HERC1: variants seen among roughly 807,000 people sequenced by gnomAD.
HERC1 encodes the protein probable E3 ubiquitin-protein ligase HERC1.
In HERC1, 160 loss-of-function variants were observed where a neutral mutation model predicts 554.3. The observed-to-expected ratio is 0.29, with a 90% CI of 0.25 to 0.33. HERC1 has a LOEUF of 0.33. HERC1 is among the 10% of genes least tolerant of loss of function. The pLI is 1.00. For synonymous variants in HERC1, 2,175 were observed against 2,131.7 expected, an observed-to-expected ratio of 1.02 and a Z score of -0.56; for missense variants, 4,919 against 5,918.5, an observed-to-expected ratio of 0.83 and a Z score of 5.54.
chr15:63,792,081 T>C (rs1477841515), intron 1 of HERC1, among the ~76,000 whole-genome samples: 1 of 152,230 alleles, frequency 6.6e-6, no homozygotes, highest in Non-Finnish European at 1.5e-5. Flanking sequence ...GATAGCTTTA[T>C]ATTCAATTGA....
intron 1 of HERC1, among the ~76,000 whole-genome samples, chr15:63,826,817 ATATAT>A: frequency 1.7e-5 from 1 of 58,944 alleles, no homozygotes; most frequent in Non-Finnish European, 3.6e-5. Flanking sequence ...AAAAAAAAAT[ATATAT>A]ATATATATAT....
intron 59 of HERC1, 110 bp from the exon 60 acceptor site, chr15:63,641,753 T>C: frequency 1.1e-6 from 1 of 890,158 alleles, no homozygotes; most frequent in Non-Finnish European, 1.6e-6. Flanking sequence ...CTTTGCTTTT[T>C]GGATATTTTA....
rs1332616523 is a variant in HERC1, at chr15:63,733,043, C to A, written c.2749G>T (p.Val917Leu). 2.5e-6 allele frequency: 4 copies of A among 1,613,846 alleles called. No individual in the cohort carries two copies. Among genetic ancestry groups the A allele is most frequent in the Non-Finnish European group, 3.4e-6 (4 of 1,179,810 alleles). Residue 917 changes from valine (V) to leucine (L), a missense_variant, in exon 14 of 78, where the codon GTG (valine) becomes TTG (leucine). This residue lies in a region of HERC1 where 744 missense variants were observed against 1,090.0 expected (regional missense o/e 0.68). Coordinates refer to ENST00000443617, the MANE Select transcript of HERC1 (RefSeq NM_003922.4). ...SPSDAADLSSVCTGYGNLSDQ... is the reference protein window; with the variant it reads ...SPSDAADLSSLCTGYGNLSDQ... ...GACAGATTTCCGTAGCCAGTACACACAGAAGATAGGTCAGCAGCATCAGAG... is the reference window on the plus strand; with the variant it reads ...GACAGATTTCCGTAGCCAGTACACAAAGAAGATAGGTCAGCAGCATCAGAG...
intron 33 of HERC1, among the ~76,000 whole-genome samples, chr15:63,689,112 AT>A (rs1397597874): frequency 2.0e-5 from 3 of 152,260 alleles, no homozygotes. Flanking sequence ...GGGAATCAGG[AT>A]TGGCAGAGAA....
At chr15:63,630,850 T>C (rs2068517348) in intron 68 of HERC1, among the ~76,000 whole-genome samples, 1 of 152,230 alleles carries the variant, frequency 6.6e-6, no homozygotes, top group African/African-American at 2.4e-5. Flanking sequence ...ACAGGCTCTT[T>C]ATTCATAAAA....
rs1307244094 is a variant in HERC1, at chr15:63,758,573, C to T, written c.1027-204G>A. ...CTAATGAAGTGGCAAAAGTGGGAAA[C>T]GGGAGACACACAATCCTTTAGCTAA... is the stretch of plus-strand genomic sequence containing the variant. On this transcript the variant is annotated intron_variant, in intron 3 of 77. Coordinates refer to ENST00000443617, the MANE Select transcript of HERC1 (RefSeq NM_003922.4). The surrounding 1 kb of genome is among the most constrained non-coding windows in gnomAD (Gnocchi z 4.0). 6.6e-6 allele frequency among the ~76,000 whole-genome samples: 1 copy of T among 152,084 alleles called. No homozygotes were observed. The highest frequency in any genetic ancestry group is 1.9e-4 in the East Asian group (1 of 5,198).
chr15:63,786,569 C>A (rs2076452411), intron 1 of HERC1, among the ~76,000 whole-genome samples: 1 of 152,088 alleles, frequency 6.6e-6, no homozygotes, highest in African/African-American at 2.4e-5. Flanking sequence ...TATTATTCAG[C>A]CATAAATAGG....
intron 30 of HERC1, 22 bp downstream of exon 30, chr15:63,693,942 C>G (rs1186219747): frequency 7.8e-6 from 12 of 1,543,562 alleles, no homozygotes; most frequent in Admixed American, 2.0e-5. Context: ...TAAGTAAAGA[C>G]AGAGAAAGAG....
At chr15:63,789,607 G>A (rs139702976) in intron 1 of HERC1, among the ~76,000 whole-genome samples, 1 of 151,300 alleles carries the variant, frequency 6.6e-6, no homozygotes, top group Admixed American at 6.6e-5. Context: ...AGACCAGCCT[G>A]GCCAACATGG....
intron 26 of HERC1, among the ~76,000 whole-genome samples, chr15:63,696,681 T>C (rs1463555009): frequency 6.6e-6 from 1 of 152,144 alleles, no homozygotes; most frequent in Non-Finnish European, 1.5e-5. Context: ...ATAAGACTAA[T>C]AATACCTTAT....
Position 63,612,442 on chromosome 15 carries a change from C to T in HERC1, c.14209G>A (p.Val4737Ile). ...VCGMPEISVE[V>I]LKKVVRYREV... ...CGGTACCGCACCACTTTCTTCAAGA[C>T]TTCCACAGAGATCTCGGGCATCCCA... The change falls in exon 77 of 78, where the codon GTC (valine) becomes ATC (isoleucine). Residue 4737 changes from valine to isoleucine, a missense_variant. Val to Ile is a conservative substitution (Grantham distance 29, BLOSUM62 3). This residue lies in a region of HERC1 where 284 missense variants were observed against 294.1 expected (regional missense o/e 0.97). Transcript: ENST00000443617. This position sits in a 1 kb window ranked among gnomAD's most constrained non-coding sequence, Gnocchi z 5.0. 1 of 1,614,068 alleles carries T rather than the reference C, an allele frequency of 6.2e-7. No homozygotes were observed. Among genetic ancestry groups the T allele is most frequent in the Non-Finnish European group, 8.5e-7 (1 of 1,179,906 alleles).
In HERC1 at chr15:63,745,936, G is replaced by A. The variant is rs542013211; in HGVS notation, c.2520+982C>T. On this transcript the variant is annotated intron_variant, in intron 12 of 77. Transcript: ENST00000443617. The stretch of plus-strand genomic sequence containing the variant: ...AGTCCTCTCTCATTTTTCTTGGTCA[G>A]TCCAGCCAGAGGTTTGTTGATTTTG... Among the ~76,000 whole-genome samples, 5 of 152,186 alleles carry A rather than the reference G, an allele frequency of 3.3e-5. No individual in the cohort carries two copies. The East Asian group carries it at 7.7e-4, about 23-fold the overall frequency.
intron 22 of HERC1, among the ~76,000 whole-genome samples, chr15:63,715,853 A>C (rs967471764): frequency 6.6e-6 from 1 of 152,248 alleles, no homozygotes; most frequent in Non-Finnish European, 1.5e-5. Flanking sequence ...TCGAAACAGC[A>C]GTGTAGTCAG....
intron 55 of HERC1, among the ~76,000 whole-genome samples, chr15:63,646,475 T>A (rs575244561): frequency 6.7e-6 from 1 of 150,302 alleles, no homozygotes. Context: ...TAAAAGAAAC[T>A]AGTATCAAGC....
chr15:63,649,222 G>A (rs1306157428), intron 54 of HERC1, among the ~76,000 whole-genome samples: 2 of 152,034 alleles, frequency 1.3e-5, no homozygotes, highest in Non-Finnish European at 2.9e-5. Context: ...GCGTGGTGGC[G>A]AGTGCCTGTA....
chr15:63,644,020 T>A (rs933132968), intron 57 of HERC1, among the ~76,000 whole-genome samples: 1 of 152,198 alleles, frequency 6.6e-6, no homozygotes, highest in Non-Finnish European at 1.5e-5. Flanking sequence ...AGAAGTGACA[T>A]AGGTAAGGCC....
Position 63,675,014 on chromosome 15 carries a change from C to G in HERC1, c.7174G>C (p.Val2392Leu). 6.2e-7 allele frequency: 1 copy of G among 1,614,022 alleles called. No individual in the cohort carries two copies. Among genetic ancestry groups the G allele is most frequent in the Non-Finnish European group, 8.5e-7 (1 of 1,179,886 alleles). ...GTGAGATATGTTAGGTCCAGCAGCA[C>G]AGAAGCCGTCAGGCCTCGGAATCGC... is the stretch of plus-strand genomic sequence containing the variant. ...VARFRGLTAS[V>L]LLDLTYLTGV... The change falls in exon 38 of 78, where the codon GTG becomes CTG. Residue 2392 changes from valine to leucine, a missense_variant. This residue lies in a region of HERC1 where 1,963 missense variants were observed against 2,228.6 expected (regional missense o/e 0.88). Coordinates refer to ENST00000443617, the MANE Select transcript of HERC1 (RefSeq NM_003922.4).
Position 63,654,122 on chromosome 15 carries a change from G to A in HERC1, c.10287C>T (p.Asn3429=), listed in dbSNP as rs2069871675. 6.2e-7 allele frequency: 1 copy of A among 1,609,102 alleles called. No individual in the cohort carries two copies. Among genetic ancestry groups the A allele is most frequent in the South Asian group, 1.1e-5 (1 of 90,978 alleles). ...CSFIKLEAHQ[N]RVMTCVWCNK... ...ACTTTCCACTCAAAATACTTACTCT[G>A]TTCTGATGAGCCTCCAATTTGATAA... Residue 3429 remains asparagine, a synonymous_variant, in exon 51 of 78, where the codon AAC becomes AAT. Transcript: ENST00000443617.
rs142427828 is a variant in HERC1 at position 63,638,297 on chromosome 15, G to A, written c.12093+114C>T. The stretch of plus-strand genomic sequence containing the variant: ...GCTATATATCATGACTTTCTTTAAT[G>A]ATTCCTCATAATAGATTATGAAATG... On this transcript the variant is annotated intron_variant, in intron 63 of 77. Coordinates refer to ENST00000443617, the MANE Select transcript of HERC1 (RefSeq NM_003922.4). 167 of 1,094,860 alleles carry A rather than the reference G, an allele frequency of 1.5e-4. 2 individuals are homozygous for A. In the East Asian group the frequency reaches 3.6e-3, roughly 24 times the overall value. The allele number at this position is 1,094,860 out of a possible 1,614,324, so 67.8% of individuals were successfully genotyped here. A position where few individuals can be genotyped will look rare whatever the true frequency, so the allele number is the denominator to read the frequency against.
Sources: allele counts gnomAD v4.1 joint callset (sites outside exome capture counted in the v4.1 genomes callset), GRCh38; gene constraint gnomAD v4.1.1; regional missense constraint gnomAD v4.1.1; non-coding constraint Gnocchi (gnomAD v3.1); transcripts MANE v1.5; gene names NCBI Gene and HGNC (gene_info 2026-07-23, HGNC 2026-07-21).